The following CAST variants were observed in gnomAD, a reference collection of about 807,000 sequenced individuals.
CAST encodes the protein MIR583 host.
Under a neutral mutation model 119.6 loss-of-function variants are expected in CAST, and 76 were observed. That is an observed-to-expected ratio of 0.64 (90% CI 0.53 to 0.77). The LOEUF is 0.77. Ranked by LOEUF, CAST falls within the 30% of genes least tolerant of loss-of-function variation. CAST has a pLI of 0.00. For synonymous variants in CAST, 319 were observed against 331.6 expected, an observed-to-expected ratio of 0.96 and a Z score of 0.41; for missense variants, 953 against 946.5, an observed-to-expected ratio of 1.01 and a Z score of -0.09.
the CAST span, chr5:95,961,987 G>A: frequency 2.3e-6 from 1 of 426,698 alleles, no homozygotes; most frequent in South Asian, 6.9e-5. Context: ...TCTCACGGGG[G>A]CGGGCCCAAA....
chr5:96,349,595 A>G, the CAST span, among the ~76,000 whole-genome samples: 1 of 152,184 alleles, frequency 6.6e-6, no homozygotes, highest in Non-Finnish European at 1.5e-5. Flanking sequence ...ATCTTTCAAA[A>G]TAAGAGGATG....
chr5:96,727,674 T>C (rs1759530066), intron 6 of CAST, 144 bp downstream of exon 6: 1 of 486,660 alleles, frequency 2.1e-6, no homozygotes, highest in Admixed American at 3.9e-5. Flanking sequence ...TGAATGGCTG[T>C]GTACATGTAG....
intron 1 of CAST, among the ~76,000 whole-genome samples, chr5:96,565,062 A>C (rs953279433): frequency 3.7e-5 from 5 of 133,954 alleles, no homozygotes; most frequent in African/African-American, 1.4e-4. Context: ...TTAAAGTATA[A>C]AAACACATGG....
At chr5:96,188,935 GT>G in the CAST span, among the ~76,000 whole-genome samples, 4 of 152,074 alleles carry the variant, frequency 2.6e-5, no homozygotes, top group African/African-American at 9.7e-5. Context: ...TAGAACTTAT[GT>G]TTTTGTACAC....
At chr5:96,071,881 G>C in the CAST span, among the ~76,000 whole-genome samples, 3 of 152,124 alleles carry the variant, frequency 2.0e-5, no homozygotes, top group African/African-American at 7.2e-5. Flanking sequence ...AGAAATGATT[G>C]GTCATAAGTT....
At chr5:96,769,979 T>A (rs1490938035) in intron 29 of CAST, 1 of 152,374 alleles carries the variant, frequency 6.6e-6, no homozygotes, top group African/African-American at 2.4e-5. Context: ...CATCAACAAC[T>A]AGGTTGTTCC....
intron 1 of CAST, among the ~76,000 whole-genome samples, chr5:96,541,024 T>A (rs1228276542): frequency 6.6e-6 from 1 of 152,088 alleles, no homozygotes; most frequent in South Asian, 2.1e-4. Context: ...ATGTGCTCTT[T>A]GGCAAGAAGT....
the CAST span, among the ~76,000 whole-genome samples, chr5:96,026,578 C>A: frequency 1.1e-4 from 16 of 152,216 alleles, no homozygotes; most frequent in Non-Finnish European, 2.4e-4. Flanking sequence ...CAATTGTACT[C>A]GAACTCCATG....
chr5:96,291,811 T>C, the CAST span, among the ~76,000 whole-genome samples: 1 of 151,338 alleles, frequency 6.6e-6, no homozygotes, highest in Admixed American at 6.6e-5. Context: ...GTCTCTGCTA[T>C]TATGATCAAT....
intron 1 of CAST, among the ~76,000 whole-genome samples, chr5:96,664,337 G>A (rs1749020268): frequency 6.6e-6 from 1 of 151,632 alleles, no homozygotes. Context: ...AAATATATGT[G>A]TGTGCATATA....
chr5:96,554,490 C>T (rs1225192417), intron 1 of CAST, among the ~76,000 whole-genome samples: 1 of 152,136 alleles, frequency 6.6e-6, no homozygotes, highest in Non-Finnish European at 1.5e-5. Context: ...AGGACATAGG[C>T]ATGGGCAAAG....
At chr5:96,440,749 T>TATTTCATG in the CAST span, among the ~76,000 whole-genome samples, 1 of 152,210 alleles carries the variant, frequency 6.6e-6, no homozygotes, top group Admixed American at 6.5e-5. Flanking sequence ...TATGGGAAAG[T>TATTTCATG]ATTTCATGGG....
At chr5:96,580,414 T>A (rs1746749616) in intron 1 of CAST, among the ~76,000 whole-genome samples, 1 of 152,210 alleles carries the variant, frequency 6.6e-6, no homozygotes, top group Admixed American at 6.5e-5. Flanking sequence ...AATAGAGAAC[T>A]TCGTTACTAT....
chr5:96,368,630 C>G, the CAST span, among the ~76,000 whole-genome samples: 61 of 152,166 alleles, frequency 4.0e-4, 3 homozygotes, highest in East Asian at 0.012. Flanking sequence ...GATCTCTCAG[C>G]CTGCTGCAGA....
chr5:96,495,229 T>C, the CAST span, among the ~76,000 whole-genome samples: 1 of 152,290 alleles, frequency 6.6e-6, no homozygotes, highest in Non-Finnish European at 1.5e-5. Flanking sequence ...CTTGTAATAC[T>C]GTTTTGTAGA....
chr5:95,990,890 C>A, the CAST span, among the ~76,000 whole-genome samples: 3 of 152,048 alleles, frequency 2.0e-5, no homozygotes, highest in Admixed American at 1.3e-4. Flanking sequence ...AGGTGTGAGC[C>A]ACCACACCGA....
chr5:96,378,343 G>T, the CAST span, among the ~76,000 whole-genome samples: 1 of 151,964 alleles, frequency 6.6e-6, no homozygotes, highest in African/African-American at 2.4e-5. Context: ...CACCAAAAAA[G>T]AGAAAAAAGA....
intron 1 of CAST, among the ~76,000 whole-genome samples, chr5:96,646,099 A>G (rs1461907253): frequency 6.6e-6 from 1 of 152,120 alleles, no homozygotes; most frequent in Non-Finnish European, 1.5e-5. Context: ...GTCGCATTAC[A>G]TTACAAAGAT....
At chr5:96,415,675 A>G in the CAST span, among the ~76,000 whole-genome samples, 1 of 152,200 alleles carries the variant, frequency 6.6e-6, no homozygotes, top group African/African-American at 2.4e-5. Context: ...CAGAATTGAG[A>G]GGCAGGAAAA....
Sources: gnomAD v4.1 joint callset for allele counts (sites outside exome capture counted in the v4.1 genomes callset) on GRCh38, gnomAD v4.1.1 for gene constraint, MANE v1.5 for transcripts, NCBI Gene and HGNC (gene_info 2026-07-23, HGNC 2026-07-21) for gene names.